The following CUL2 variants were observed in gnomAD, a reference collection of about 807,000 sequenced individuals.
The protein encoded by CUL2 is cullin-2.
Under a neutral mutation model 110.2 loss-of-function variants are expected in CUL2, and 22 were observed. That is an observed-to-expected ratio of 0.20 (90% CI 0.14 to 0.28). The LOEUF is 0.28. Among genes scored for constraint, CUL2 ranks in the 10% least tolerant of loss-of-function variants. The pLI, the probability that CUL2 is intolerant of heterozygous loss-of-function variation, is 1.00. For missense variants in CUL2, 631 were observed against 905.5 expected (o/e 0.70, Z 3.89); for synonymous variants, 279 against 293.2 (o/e 0.95, Z 0.49).
chr10:35,124,097 C>T (rs533575316), intron 1 of CUL2, among the ~76,000 whole-genome samples: 3 of 152,178 alleles, frequency 2.0e-5, no homozygotes, highest in Admixed American at 6.6e-5. Flanking sequence ...GTGGGAGGAT[C>T]GCTTTAGACT....
Position 35,060,868 on chromosome 10 carries a change from A to G in CUL2, c.317+6T>C. 6.2e-7 allele frequency: 1 copy of G among 1,602,848 alleles called. No individual in the cohort carries two copies. The highest frequency in any genetic ancestry group is 1.7e-5 in the Admixed American group (1 of 57,608). On this transcript the variant is annotated splice_donor_region_variant and intron_variant, in intron 4 of 20. Coordinates refer to ENST00000374749, the MANE Select transcript of CUL2 (RefSeq NM_003591.4). ...TAGCTTGTCTAGATTTTAAAGGCAC[A>G]CTCACCTATATAAGCAGTCCATATA... is the stretch of plus-strand genomic sequence containing the variant.
chr10:35,081,116 C>G (rs1375514776), intron 1 of CUL2, among the ~76,000 whole-genome samples: 1 of 152,060 alleles, frequency 6.6e-6, no homozygotes, highest in African/African-American at 2.4e-5. Flanking sequence ...CCCAGCTACT[C>G]AGGAGGCTAA....
At chr10:35,118,324 T>C (rs2087633758) in intron 1 of CUL2, 1 of 152,244 alleles carries the variant, frequency 6.6e-6, no homozygotes, top group African/African-American at 2.4e-5. Context: ...TTTCCCCTTC[T>C]GGAATTTCCA....
At chr10:35,075,851 G>T (rs1009798363) in intron 1 of CUL2, among the ~76,000 whole-genome samples, 1 of 152,058 alleles carries the variant, frequency 6.6e-6, no homozygotes, top group African/African-American at 2.4e-5. Context: ...ATGCATGATT[G>T]TCAATAATAA....
intron 17 of CUL2, among the ~76,000 whole-genome samples, chr10:35,018,107 G>A (rs1251923901): frequency 8.0e-6 from 1 of 124,852 alleles, no homozygotes; most frequent in Non-Finnish European, 1.7e-5. Flanking sequence ...TGAAACCCCT[G>A]CTCTACTAAA....
rs2087576321 is a variant in CUL2 at position 35,115,055 on chromosome 10, T to C, written c.-51+11550A>G. The stretch of plus-strand genomic sequence containing the variant: ...GGCAAAACCCCATCTCTACTAAAAA[T>C]ACAAAAATTAGCTGGATGTGATGAT... On this transcript the variant is annotated intron_variant, in intron 1 of 5. Transcript: ENST00000685421. Among the ~76,000 whole-genome samples, 4 of 150,620 alleles carry C rather than the reference T, an allele frequency of 2.7e-5. No homozygotes were observed. The South Asian group carries it at 8.4e-4, about 31-fold the overall frequency.
chr10:35,009,487 G>A lies in CUL2; in HGVS notation c.*824C>T, dbSNP rs1046168224. 6.6e-6 allele frequency: 1 copy of A among 151,542 alleles called. No individual in the cohort carries two copies. Among genetic ancestry groups the A allele is most frequent in the Non-Finnish European group, 1.5e-5 (1 of 68,012 alleles). The allele number at this position is 151,542 out of a possible 1,614,324, so 9.4% of individuals were successfully genotyped here. On this transcript the variant is annotated 3_prime_UTR_variant, in exon 21 of 21. Transcript: ENST00000374749. ...GTCTATGCTAGAATTAATGGATTAT[G>A]CAACCGAAGAAAGACAACTTTTGAA...
intron 1 of CUL2, among the ~76,000 whole-genome samples, chr10:35,087,058 A>G (rs1355766976): frequency 2.0e-5 from 3 of 152,052 alleles, no homozygotes; most frequent in African/African-American, 7.2e-5. Context: ...TGACAATTTT[A>G]TATTTTGGTT....
At chr10:35,115,176 T>C (rs1481739945) in intron 1 of CUL2, among the ~76,000 whole-genome samples, 1 of 150,480 alleles carries the variant, frequency 6.6e-6, no homozygotes, top group Admixed American at 6.7e-5. Flanking sequence ...AAGCAGAGGT[T>C]GCAGTGAGCC....
Position 35,032,432 on chromosome 10 carries a change from T to C in CUL2, c.1170+3A>G. ...ATTACTTTTCAGCAACCACCAAACT[T>C]ACCAGTTCAGGTGCTTTGCAAACAG... On this transcript the variant is annotated splice_donor_region_variant and intron_variant, in intron 12 of 20. Coordinates refer to ENST00000374749, the MANE Select transcript of CUL2 (RefSeq NM_003591.4). The C allele has an allele frequency of 1.9e-6, 3 of 1,592,646 alleles. No homozygotes were observed. Among genetic ancestry groups the C allele is most frequent in the African/African-American group, 1.4e-5 (1 of 73,780 alleles).
intron 1 of CUL2, among the ~76,000 whole-genome samples, chr10:35,077,201 G>A (rs1009457931): frequency 3.3e-5 from 5 of 151,398 alleles, no homozygotes; most frequent in African/African-American, 1.2e-4. Context: ...CTATCACATG[G>A]ATGACCCTCA....
chr10:35,061,654 G>A (rs1324389816), intron 3 of CUL2, among the ~76,000 whole-genome samples: 2 of 151,572 alleles, frequency 1.3e-5, no homozygotes, highest in African/African-American at 4.8e-5. Flanking sequence ...TTTATAAGCA[G>A]ATAAATGATC....
At chr10:35,058,499 T>C (rs113132237) in intron 4 of CUL2, among the ~76,000 whole-genome samples, 106 of 152,300 alleles carry the variant, frequency 7.0e-4, no homozygotes, top group Non-Finnish European at 1.2e-3. Flanking sequence ...ATCTGTAGTC[T>C]AAAGTCTAGT....
chr10:35,033,753 CAACA>C (rs1253305500), intron 10 of CUL2, among the ~76,000 whole-genome samples: 159 of 50,906 alleles, frequency 3.1e-3, no homozygotes, highest in East Asian at 9.1e-3. Context: ...ACAACAACAA[CAACA>C]AAAAAAAAAA....
intron 1 of CUL2, among the ~76,000 whole-genome samples, chr10:35,088,143 T>C (rs2087106628): frequency 6.6e-6 from 1 of 152,152 alleles, no homozygotes; most frequent in Non-Finnish European, 1.5e-5. Flanking sequence ...CAGCACTTAT[T>C]CTCTGAGATT....
intron 6 of CUL2, among the ~76,000 whole-genome samples, chr10:35,045,357 G>A (rs2085908009): frequency 6.6e-6 from 1 of 152,144 alleles, no homozygotes; most frequent in Admixed American, 6.5e-5. Flanking sequence ...GGGAGGCCAA[G>A]GTGGGAGGAT....
At chr10:35,028,681 G>A in intron 16 of CUL2, 129 bp downstream of exon 16, 1 of 573,366 alleles carries the variant, frequency 1.7e-6, no homozygotes, top group Non-Finnish European at 3.1e-6. Context: ...AGGGCAGACT[G>A]ACTATAATTT....
chr10:35,123,898 T>C (rs1176806783), intron 1 of CUL2, among the ~76,000 whole-genome samples: 1 of 152,176 alleles, frequency 6.6e-6, no homozygotes, highest in African/African-American at 2.4e-5. Context: ...ATTAGATAAC[T>C]AAAGAAAATA....
At chr10:35,053,052 T>C (rs1007582203) in intron 5 of CUL2, among the ~76,000 whole-genome samples, 10 of 152,164 alleles carry the variant, frequency 6.6e-5, no homozygotes, top group Admixed American at 2.6e-4. Flanking sequence ...TGTAGAACTT[T>C]ATGTGTGCCG....
Sources: gnomAD v4.1 joint callset for allele counts (sites outside exome capture counted in the v4.1 genomes callset) on GRCh38, gnomAD v4.1.1 for gene constraint, MANE v1.5 for transcripts, NCBI Gene and HGNC (gene_info 2026-07-23, HGNC 2026-07-21) for gene names.